Variants in SEPTIN4 observed in about 807,000 individuals in gnomAD.
The protein encoded by SEPTIN4 is septin-4.
A neutral mutation model predicts 107.1 loss-of-function variants in SEPTIN4; 52 were observed. The ratio of observed to expected loss-of-function variants is 0.49; its 90% CI spans 0.39 to 0.61. The LOEUF is 0.61. Among genes scored for constraint, SEPTIN4 ranks in the 20% least tolerant of loss-of-function variants. SEPTIN4 has a pLI of 0.00. For missense variants in SEPTIN4, 1,048 were observed against 1,243.5 expected, an observed-to-expected ratio of 0.84 and a Z score of 2.36; for synonymous variants, 417 against 467.0, an observed-to-expected ratio of 0.89 and a Z score of 1.38.
chr17:58,543,601 A>G lies in SEPTIN4; in HGVS notation c.586T>C (p.Tyr196His). The G allele has an allele frequency of 6.2e-7, 1 of 1,614,156 alleles. No homozygotes were observed. Among genetic ancestry groups the G allele is most frequent in the Admixed American group, 1.7e-5 (1 of 60,020 alleles). The change falls in exon 1 of 14, where the codon TAC becomes CAC. Residue 196 changes from tyrosine (Y) to histidine (H), a missense_variant. Transcript: ENST00000672673. ...GVRVPRRILS[Y>H]PKDEAVQTEP... ...GTTTGTACTGCTTCATCCTTTGGGT[A>G]AGACAAAATCCTACGGGGAACTCTG...
Position 58,525,082 on chromosome 17 carries a change from C to G in SEPTIN4, c.2212G>C (p.Glu738Gln). ...ATTGTGCTTACTCAGACATACCACT[C>G]TGTGTTGTTGACTGCATCCCCAAAA... ...PGFGDAVNNT[E>Q]CWKPVAEYID... Residue 738 changes from glutamate (E) to glutamine (Q), a missense_variant, in exon 7 of 14, where the codon GAG becomes CAG. By Grantham distance (29) the Glu-to-Gln change is conservative (BLOSUM62 2). Transcript: ENST00000672673. 4 of 1,614,210 alleles carry G rather than the reference C, an allele frequency of 2.5e-6. No homozygotes were observed. The highest frequency in any genetic ancestry group is 3.4e-6 in the Non-Finnish European group (4 of 1,180,010).
In SEPTIN4 at chr17:58,521,218, C is replaced by T. The variant is rs1421350140; in HGVS notation, c.2668+36G>A. ...ATAGGTAGGGGAGAGCCACTGAGGGCAAGGAGATACCCTGGTCACAGGCTC... is the reference window on the plus strand; with the variant it reads ...ATAGGTAGGGGAGAGCCACTGAGGGTAAGGAGATACCCTGGTCACAGGCTC... On this transcript the variant is annotated intron_variant, in intron 11 of 13. Coordinates refer to ENST00000672673, the MANE Select transcript of SEPTIN4 (RefSeq NM_001368771.2). This position sits in a 1 kb window ranked among gnomAD's most constrained non-coding sequence, Gnocchi z 6.4. The T allele has an allele frequency of 2.5e-6, 4 of 1,614,104 alleles. No homozygotes were observed. The Admixed American group carries it at 6.7e-5, about 27-fold the overall frequency.
At chr17:58,535,228 TA>T (rs1470908295) in intron 3 of SEPTIN4, among the ~76,000 whole-genome samples, 1 of 152,182 alleles carries the variant, frequency 6.6e-6, no homozygotes, top group Non-Finnish European at 1.5e-5. Flanking sequence ...GGGGCAGGCA[TA>T]AGGTGTGGGT....
intron 3 of SEPTIN4, among the ~76,000 whole-genome samples, chr17:58,536,124 A>G (rs188711659): frequency 2.4e-4 from 36 of 152,356 alleles, no homozygotes; most frequent in African/African-American, 8.7e-4. Context: ...GGGTTTCTAT[A>G]CCATATAGTT....
chr17:58,540,636 C>G (rs1428511416), intron 3 of SEPTIN4, 30 bp downstream of exon 3: 2 of 1,346,894 alleles, frequency 1.5e-6, no homozygotes, highest in Admixed American at 7.5e-5. Context: ...CCCAGGAAGA[C>G]TGGGAGTAAC....
rs2144249796 is a variant in SEPTIN4, at chr17:58,538,703, T to C, written c.1614+1963A>G. On this transcript the variant is annotated intron_variant, in intron 3 of 13. Transcript: ENST00000672673. This position sits in a 1 kb window ranked among gnomAD's most constrained non-coding sequence, Gnocchi z 4.7. Reference sequence around the variant, plus strand: ...CCTCCTCTGGGGAGACTCCTGCCCCTAATGTCCCAATCCAAGGATGAGAAG... The same window carrying C: ...CCTCCTCTGGGGAGACTCCTGCCCCCAATGTCCCAATCCAAGGATGAGAAG... Among the ~76,000 whole-genome samples the C allele has an allele frequency of 6.6e-6, 1 of 152,206 alleles. No homozygotes were observed. The highest frequency in any genetic ancestry group is 1.9e-4 in the East Asian group (1 of 5,180).
chr17:58,539,100 A>G (rs1395105657), intron 3 of SEPTIN4: 1 of 1,515,346 alleles, frequency 6.6e-7, no homozygotes. Flanking sequence ...GCCCATCTCC[A>G]TGCCATCCTA....
At chr17:58,530,024 G>A (rs2043329013) in intron 3 of SEPTIN4, 1 of 152,248 alleles carries the variant, frequency 6.6e-6, no homozygotes, top group Non-Finnish European at 1.5e-5. Context: ...GAGGAGCACG[G>A]GTTCAAGGCA....
chr17:58,527,483 T>G, intron 3 of SEPTIN4: 1 of 274,106 alleles, frequency 3.6e-6, no homozygotes, highest in Non-Finnish European at 7.2e-6. Context: ...ATCAGGCAGG[T>G]CAACCAGCAG....
chr17:58,542,008 G>A (rs1423646205), intron 1 of SEPTIN4, 42 bp from the exon 2 acceptor site: 1 of 1,599,740 alleles, frequency 6.3e-7, no homozygotes, highest in East Asian at 2.2e-5. Context: ...TCTCTCTGTG[G>A]GATGCACATC....
chr17:58,520,743 C>T lies in SEPTIN4; in HGVS notation c.2931G>A (p.Glu977=). The change falls in exon 13 of 14, where the codon GAG becomes GAA. Residue 977 remains glutamate (E), a splice_region_variant and synonymous_variant. Transcript: ENST00000672673. ...CCCCTATACCCCATACTGCTCTCAC[C>T]TCCTCATCTTTCTCTCGGATAAGCT... ...TEKLIREKDE[E]LRRMQEMLHK... is the part of the protein sequence containing the mutation. The T allele has an allele frequency of 6.2e-7, 1 of 1,614,152 alleles. No homozygotes were observed. The highest frequency in any genetic ancestry group is 8.5e-7 in the Non-Finnish European group (1 of 1,180,044).
At chr17:58,524,447 C>G (rs537395486) in intron 7 of SEPTIN4, 2 of 152,158 alleles carry the variant, frequency 1.3e-5, no homozygotes, top group Non-Finnish European at 2.9e-5. Flanking sequence ...TGTGCGGCAC[C>G]TAAAATGTTG....
In SEPTIN4 at chr17:58,521,086, C is replaced by G; in HGVS notation, c.2743G>C (p.Asp915His). 6.2e-7 allele frequency: 1 copy of G among 1,614,186 alleles called. No individual in the cohort carries two copies. The highest frequency in any genetic ancestry group is 1.1e-5 in the South Asian group (1 of 91,084). ...TCATAATGTGTCTCCCGTGTCACAT[C>G]CTTCAGGTCCTGCATGTGGGTACGT... Reference protein sequence around the residue: ...LVRTHMQDLKDVTRETHYENY... With the variant: ...LVRTHMQDLKHVTRETHYENY... The change falls in exon 12 of 14, where the codon GAT becomes CAT. Residue 915 changes from aspartate to histidine, a missense_variant. Asp to His is a moderately conservative substitution (Grantham distance 81, BLOSUM62 -1). Transcript: ENST00000672673. This position sits in a 1 kb window ranked among gnomAD's most constrained non-coding sequence, Gnocchi z 6.4.
chr17:58,544,017 T>C lies in SEPTIN4; in HGVS notation c.170A>G (p.His57Arg), dbSNP rs777832519. The C allele has an allele frequency of 1.2e-6, 2 of 1,613,998 alleles. No homozygotes were observed. The highest frequency in any genetic ancestry group is 2.7e-5 in the African/African-American group (2 of 74,988). The change falls in exon 1 of 14, where the codon CAT (histidine) becomes CGT (arginine). Residue 57 changes from histidine to arginine, a missense_variant. His to Arg is a conservative substitution (Grantham distance 29, BLOSUM62 0). This residue lies in a region of SEPTIN4 where 787 missense variants were observed against 871.8 expected (regional missense o/e 0.90). Coordinates refer to ENST00000672673, the MANE Select transcript of SEPTIN4 (RefSeq NM_001368771.2). Reference sequence around the variant, plus strand: ...TGATGCTGAATGGGGAGTGGTGGGATGTGCAGCTTCTGATCTTCGGTGGGA... The same window carrying C: ...TGATGCTGAATGGGGAGTGGTGGGACGTGCAGCTTCTGATCTTCGGTGGGA... ...NPSHRRSEAA[H>R]PTTPHSASDY...
Position 58,543,297 on chromosome 17 carries a change from T to G in SEPTIN4, c.890A>C (p.His297Pro). The G allele has an allele frequency of 3.1e-6, 5 of 1,614,178 alleles. No individual in the cohort carries two copies. The highest frequency in any genetic ancestry group is 1.7e-5 in the Admixed American group (1 of 60,026). Reference protein sequence around the residue: ...VSARVDPESLHKYSAYPETKP... With the variant: ...VSARVDPESLPKYSAYPETKP... ...GGTTTCAGGATAGGCAGAATACTTATGAAGAGACTCAGGGTCTACCCGTGC... is the reference window on the plus strand; with the variant it reads ...GGTTTCAGGATAGGCAGAATACTTAGGAAGAGACTCAGGGTCTACCCGTGC... Residue 297 changes from histidine to proline, a missense_variant, in exon 1 of 14, where the codon CAT becomes CCT. Physicochemically the swap from His to Pro is moderately conservative, Grantham distance 77. This residue lies in a region of SEPTIN4 where 787 missense variants were observed against 871.8 expected (regional missense o/e 0.90). Coordinates refer to ENST00000672673, the MANE Select transcript of SEPTIN4 (RefSeq NM_001368771.2).
chr17:58,521,229 C>A lies in SEPTIN4; in HGVS notation c.2668+25G>T. 5.0e-6 allele frequency: 8 copies of A among 1,614,102 alleles called. No individual in the cohort carries two copies. The highest frequency in any genetic ancestry group is 6.8e-6 in the Non-Finnish European group (8 of 1,179,956). The stretch of plus-strand genomic sequence containing the variant: ...AGAGCCACTGAGGGCAAGGAGATAC[C>A]CTGGTCACAGGCTCAGTGCTTTACC... On this transcript the variant is annotated intron_variant, in intron 11 of 13. Coordinates refer to ENST00000672673, the MANE Select transcript of SEPTIN4 (RefSeq NM_001368771.2). The surrounding 1 kb of genome is among the most constrained non-coding windows in gnomAD (Gnocchi z 6.4).
rs1220859372 is a variant in SEPTIN4 at position 58,543,646 on chromosome 17, C to T, written c.541G>A (p.Val181Ile). 1.9e-6 allele frequency: 3 copies of T among 1,614,046 alleles called. No individual in the cohort carries two copies. The Admixed American group carries it at 5.0e-5, about 27-fold the overall frequency. ...ACTCTGACTCCTTGGGGGTTCTGGA[C>T]CTTGGATGGTGGGTCATCTTCTAAG... ...QILEDDPPSKVQNPQGVRVPR... is the reference protein window; with the variant it reads ...QILEDDPPSKIQNPQGVRVPR... The change falls in exon 1 of 14, where the codon GTC becomes ATC. Residue 181 changes from valine (V) to isoleucine (I), a missense_variant. Val to Ile is a conservative substitution (Grantham distance 29). Transcript: ENST00000672673.
intron 1 of SEPTIN4, 56 bp from the exon 2 acceptor site, chr17:58,542,022 C>G: frequency 6.4e-7 from 1 of 1,574,764 alleles, no homozygotes; most frequent in East Asian, 2.2e-5. Context: ...GCACATCCCA[C>G]TCTCCACTAC....
At chr17:58,532,047 G>T in intron 3 of SEPTIN4, 2 of 1,119,350 alleles carry the variant, frequency 1.8e-6, no homozygotes, top group South Asian at 4.4e-5. Context: ...TCGCAGCACC[G>T]CCGTCACCCT....
Sources: gnomAD v4.1 joint callset for allele counts (sites outside exome capture counted in the v4.1 genomes callset) on GRCh38, gnomAD v4.1.1 for gene constraint, gnomAD v4.1.1 regional missense constraint, Gnocchi (gnomAD v3.1) non-coding constraint, MANE v1.5 for transcripts, NCBI Gene and HGNC (gene_info 2026-07-23, HGNC 2026-07-21) for gene names.